The following YTHDC1 variants were observed in gnomAD, a reference collection of about 807,000 sequenced individuals.
YTHDC1 encodes the protein YTH domain-containing protein 1.
Under a neutral mutation model 107.0 loss-of-function variants are expected in YTHDC1, and 12 were observed. The observed-to-expected ratio is 0.11, with a 90% CI of 0.07 to 0.18. The LOEUF is 0.18. Ranked by LOEUF, YTHDC1 falls within the 10% of genes least tolerant of loss-of-function variation. The probability of loss-of-function intolerance (pLI) is 1.00; values close to 1 mark genes in which losing one functional copy is unlikely to be tolerated. For missense variants in YTHDC1, 635 were observed against 898.8 expected, an observed-to-expected ratio of 0.71 and a Z score of 3.75; for synonymous variants, 280 against 289.5, an observed-to-expected ratio of 0.97 and a Z score of 0.33.
chr4:68,316,244 C>T (rs1721845876), intron 16 of YTHDC1, 70 bp downstream of exon 16: 8 of 1,490,694 alleles, frequency 5.4e-6, no homozygotes, highest in Non-Finnish European at 5.4e-6. Context: ...ATACTCTGGT[C>T]TCCCCATATT....
intron 1 of YTHDC1, among the ~76,000 whole-genome samples, chr4:68,348,455 C>A (rs1725688333): frequency 6.8e-6 from 1 of 147,686 alleles, no homozygotes. Flanking sequence ...TCCTATGTTC[C>A]CATTACTTCT....
At chr4:68,344,914 TC>T (rs912266843) in intron 1 of YTHDC1, among the ~76,000 whole-genome samples, 44 of 152,020 alleles carry the variant, frequency 2.9e-4, no homozygotes, top group African/African-American at 1.1e-3. Flanking sequence ...ACCTGTAGTC[TC>T]AGCTACTTAG....
At chr4:68,324,260 G>A in intron 9 of YTHDC1, 37 bp from the exon 10 acceptor site, 1 of 1,566,868 alleles carries the variant, frequency 6.4e-7, no homozygotes, top group Non-Finnish European at 8.8e-7. Context: ...TTCTTCTGCA[G>A]AATCCTTTAA....
chr4:68,339,390 G>C (rs1724570209), intron 1 of YTHDC1, among the ~76,000 whole-genome samples: 1 of 152,204 alleles, frequency 6.6e-6, no homozygotes, highest in Middle Eastern at 3.2e-3. Flanking sequence ...CATGATAACT[G>C]AACACAGCCC....
chr4:68,322,519 G>A lies in YTHDC1; in HGVS notation c.1601+230C>T, dbSNP rs904345438. 2 of 524,664 alleles carry A rather than the reference G, an allele frequency of 3.8e-6. No homozygotes were observed. The highest frequency in any genetic ancestry group is 3.8e-5 in the African/African-American group (2 of 52,352). The allele number at this position is 524,664 out of a possible 1,614,324, so 32.5% of individuals were successfully genotyped here. ...TATCTAATCTAAACTGGTTATCACT[G>A]GTTATACTTTTTTCTGCATAAGGAA... On this transcript the variant is annotated intron_variant, in intron 11 of 16. Coordinates refer to ENST00000344157, the MANE Select transcript of YTHDC1 (RefSeq NM_001031732.4). This position sits in a 1 kb window ranked among gnomAD's most constrained non-coding sequence, Gnocchi z 4.8.
intron 1 of YTHDC1, among the ~76,000 whole-genome samples, chr4:68,345,385 AAC>A (rs1725295015): frequency 6.6e-6 from 1 of 152,188 alleles, no homozygotes; most frequent in African/African-American, 2.4e-5. Context: ...TTTGTTTTCT[AAC>A]ACAAGGTACC....
In YTHDC1 at chr4:68,337,253, T is replaced by G. The variant is rs1435959928; in HGVS notation, c.657A>C (p.Ala219=). The change falls in exon 4 of 17, where the codon GCA becomes GCC. Residue 219 remains alanine (A), a synonymous_variant. Coordinates refer to ENST00000344157, the MANE Select transcript of YTHDC1 (RefSeq NM_001031732.4). Reference sequence around the variant, plus strand: ...CTTCATCCACCTCTTCATCTTCTTCTGCATCTTCTTCTACTTCTTCATCTT... The same window carrying G: ...CTTCATCCACCTCTTCATCTTCTTCGGCATCTTCTTCTACTTCTTCATCTT... ...VEEDEEVEED[A]EEDEEVDEDG... 6.2e-7 allele frequency: 1 copy of G among 1,607,170 alleles called. No individual in the cohort carries two copies. Among genetic ancestry groups the G allele is most frequent in the East Asian group, 2.2e-5 (1 of 44,760 alleles).
In YTHDC1 at chr4:68,313,990, G is replaced by T; in HGVS notation, c.*109C>A. 2 of 1,121,262 alleles carry T rather than the reference G, an allele frequency of 1.8e-6. No individual in the cohort carries two copies. The highest frequency in any genetic ancestry group is 2.9e-5 in the South Asian group (2 of 68,308). 69.5% of individuals were successfully genotyped at this position (1,121,262 alleles called of 1,614,324 possible). A position where few individuals can be genotyped will look rare whatever the true frequency, so the allele number is the denominator to read the frequency against. ...GTCATAATAAATCCTTCTACACAATGAACTTCATAGGCAGACAGCTGAAAA... is the reference window on the plus strand; with the variant it reads ...GTCATAATAAATCCTTCTACACAATTAACTTCATAGGCAGACAGCTGAAAA... On this transcript the variant is annotated 3_prime_UTR_variant, in exon 17 of 17. Coordinates refer to ENST00000344157, the MANE Select transcript of YTHDC1 (RefSeq NM_001031732.4).
chr4:68,324,798 T>G (rs1444120513), intron 9 of YTHDC1, among the ~76,000 whole-genome samples: 1 of 152,194 alleles, frequency 6.6e-6, no homozygotes, highest in African/African-American at 2.4e-5. Context: ...TATTTATAAA[T>G]GCATATATTT....
chr4:68,349,272 T>A (rs779340561), intron 1 of YTHDC1, among the ~76,000 whole-genome samples: 3 of 152,354 alleles, frequency 2.0e-5, no homozygotes, highest in East Asian at 3.9e-4. Flanking sequence ...TCAAGATTAA[T>A]AACCTGCCAG....
intron 12 of YTHDC1, 29 bp from the exon 13 acceptor site, chr4:68,318,891 T>G: frequency 6.2e-7 from 1 of 1,611,896 alleles, no homozygotes; most frequent in South Asian, 1.1e-5. Flanking sequence ...TTTTAGTAAA[T>G]CAAATTTATA....
At chr4:68,326,614 A>G (rs1398761267) in intron 9 of YTHDC1, among the ~76,000 whole-genome samples, 2 of 152,120 alleles carry the variant, frequency 1.3e-5, no homozygotes, top group Non-Finnish European at 2.9e-5. Flanking sequence ...GTTTTGAGAC[A>G]CAGTCTCACT....
chr4:68,325,805 T>C (rs1722930783), intron 9 of YTHDC1, among the ~76,000 whole-genome samples: 1 of 152,180 alleles, frequency 6.6e-6, no homozygotes, highest in South Asian at 2.1e-4. Context: ...GGAGGTGATA[T>C]ATATATACAT....
intron 9 of YTHDC1, among the ~76,000 whole-genome samples, chr4:68,328,578 T>C (rs1210731747): frequency 1.3e-5 from 2 of 152,230 alleles, no homozygotes; most frequent in South Asian, 2.1e-4. Context: ...CTTCCACATA[T>C]ATTTAAGAGA....
chr4:68,318,415 G>A (rs1448999985), intron 15 of YTHDC1, 104 bp downstream of exon 15: 3 of 1,199,222 alleles, frequency 2.5e-6, no homozygotes, highest in South Asian at 1.6e-5. Context: ...GCCAGTTTAA[G>A]TCTCTTTAAT....
Position 68,324,202 on chromosome 4 carries a change from C to T in YTHDC1, c.1371G>A (p.Lys457=), listed in dbSNP as rs754655736. Residue 457 remains lysine (K), a synonymous_variant, in exon 10 of 17, where the codon AAG becomes AAA. Coordinates refer to ENST00000344157, the MANE Select transcript of YTHDC1 (RefSeq NM_001031732.4). ...WICRRELPFT[K]SAHLTNPWNE... ...TCCAAGGATTGGTGAGATGAGCCGA[C>T]TTAGTGAAGGGTAATTCACGCCTAA... is the stretch of plus-strand genomic sequence containing the variant. 2 of 1,613,930 alleles carry T rather than the reference C, an allele frequency of 1.2e-6. No homozygotes were observed. The highest frequency in any genetic ancestry group is 8.5e-7 in the Non-Finnish European group (1 of 1,179,852).
intron 1 of YTHDC1, among the ~76,000 whole-genome samples, chr4:68,342,772 A>C (rs1348675636): frequency 6.6e-6 from 1 of 152,206 alleles, no homozygotes; most frequent in Non-Finnish European, 1.5e-5. Context: ...TAAAAGAAGA[A>C]ACATTTTAAT....
In YTHDC1 at chr4:68,337,686, A is replaced by G; in HGVS notation, c.345T>C (p.Ile115=). The G allele has an allele frequency of 6.2e-7, 1 of 1,614,168 alleles. No homozygotes were observed. Among genetic ancestry groups the G allele is most frequent in the African/African-American group, 1.3e-5 (1 of 75,054 alleles). ...RNKRLDADRK[I]RLSSSASREP... is the part of the protein sequence containing the mutation. ...CTCTGGAGGCACTACTTGATAGACG[A>G]ATTTTCCGATCAGCATCTAGACGCT... The change falls in exon 3 of 17, where the codon ATT becomes ATC. Residue 115 remains isoleucine, a synonymous_variant. Transcript: ENST00000344157.
intron 1 of YTHDC1, among the ~76,000 whole-genome samples, chr4:68,339,865 A>G (rs1181203678): frequency 6.6e-6 from 1 of 152,204 alleles, no homozygotes; most frequent in South Asian, 2.1e-4. Flanking sequence ...ATGATCATGA[A>G]AGCATAAAAC....
Sources: allele counts gnomAD v4.1 joint callset (sites outside exome capture counted in the v4.1 genomes callset), GRCh38; gene constraint gnomAD v4.1.1; non-coding constraint Gnocchi (gnomAD v3.1); transcripts MANE v1.5; gene names NCBI Gene and HGNC (gene_info 2026-07-23, HGNC 2026-07-21).